The following KHDRBS2 variants were observed in gnomAD, a reference collection of about 807,000 sequenced individuals.
KHDRBS2 encodes KH RNA binding domain containing, signal transduction associated 2.
A neutral mutation model predicts 44.3 loss-of-function variants in KHDRBS2; 26 were observed. The observed-to-expected ratio is 0.59, with a 90% CI of 0.43 to 0.81. The LOEUF is 0.81. Ranked by LOEUF, KHDRBS2 falls within the 40% of genes least tolerant of loss-of-function variation. The pLI is 0.00. For synonymous variants in KHDRBS2, 194 were observed against 151.1 expected, an observed-to-expected ratio of 1.28 and a Z score of -2.08; for missense variants, 476 against 433.1, an observed-to-expected ratio of 1.10 and a Z score of -0.88.
At chr6:61,606,113 T>C in the KHDRBS2 span, among the ~76,000 whole-genome samples, 1 of 152,120 alleles carries the variant, frequency 6.6e-6, no homozygotes, top group Non-Finnish European at 1.5e-5. Context: ...CCTTTGACTG[T>C]AATTTTCCAC....
chr6:62,070,052 G>A lies in KHDRBS2; in HGVS notation c.220-22058C>T, dbSNP rs114774677. On this transcript the variant is annotated intron_variant, in intron 2 of 8. Transcript: ENST00000281156. ...AATTTTTGTCAGACACTTTTTCTCC[G>A]TCTATTAAGATTCATATGGTTTTTG... 3.9e-3 allele frequency among the ~76,000 whole-genome samples: 585 copies of A among 151,338 alleles called. 2 individuals carry two copies. Among genetic ancestry groups the A allele is most frequent in the African/African-American group, 0.014 (562 of 41,332 alleles).
At chr6:62,041,371 C>T (rs1786472068) in intron 3 of KHDRBS2, among the ~76,000 whole-genome samples, 1 of 151,974 alleles carries the variant, frequency 6.6e-6, no homozygotes. Flanking sequence ...AGCAGTAAAG[C>T]TTATGACCTA....
intron 2 of KHDRBS2, among the ~76,000 whole-genome samples, chr6:62,086,812 C>T (rs1173912092): frequency 6.6e-6 from 1 of 151,746 alleles, no homozygotes; most frequent in African/African-American, 2.4e-5. Flanking sequence ...TACAAGGCAC[C>T]CACTGTAAGT....
chr6:61,767,419 C>A (rs1780174055), intron 6 of KHDRBS2, among the ~76,000 whole-genome samples: 1 of 152,024 alleles, frequency 6.6e-6, no homozygotes, highest in Middle Eastern at 3.2e-3. Context: ...CATTCTGCCA[C>A]TCTATGTCTT....
the KHDRBS2 span, among the ~76,000 whole-genome samples, chr6:61,618,053 T>C: frequency 6.6e-6 from 1 of 152,232 alleles, no homozygotes; most frequent in Non-Finnish European, 1.5e-5. Context: ...TGAAGGAATT[T>C]GAACCTAAAT....
intron 3 of KHDRBS2, among the ~76,000 whole-genome samples, chr6:62,023,169 A>G (rs1226553953): frequency 6.6e-6 from 1 of 151,730 alleles, no homozygotes; most frequent in East Asian, 1.9e-4. Context: ...ATTATATACT[A>G]ATCCATATGT....
the KHDRBS2 span, among the ~76,000 whole-genome samples, chr6:61,652,101 G>A: frequency 2.6e-5 from 4 of 152,080 alleles, no homozygotes; most frequent in Middle Eastern, 3.4e-3. Context: ...AAATTGGCTC[G>A]TTTGTTTTTC....
intron 2 of KHDRBS2, among the ~76,000 whole-genome samples, chr6:62,176,203 TAA>T (rs1430981492): frequency 6.6e-6 from 1 of 151,354 alleles, no homozygotes; most frequent in East Asian, 1.9e-4. Context: ...GCAAATCTAA[TAA>T]AGTTTATTTT....
chr6:61,604,363 T>A, the KHDRBS2 span, among the ~76,000 whole-genome samples: 1 of 152,136 alleles, frequency 6.6e-6, no homozygotes, highest in Non-Finnish European at 1.5e-5. Flanking sequence ...GTATTCCAAC[T>A]TTTATCCCTC....
chr6:62,258,197 G>T (rs1339223911), intron 1 of KHDRBS2, among the ~76,000 whole-genome samples: 1 of 151,988 alleles, frequency 6.6e-6, no homozygotes, highest in Non-Finnish European at 1.5e-5. Context: ...TGGGGGACCA[G>T]GAAGTGGATC....
chr6:61,682,406 G>C (rs980714003), intron 8 of KHDRBS2, among the ~76,000 whole-genome samples: 1 of 151,738 alleles, frequency 6.6e-6, no homozygotes, highest in Non-Finnish European at 1.5e-5. Flanking sequence ...ATATAAAATA[G>C]GAGTAAGAAA....
chr6:61,859,172 A>T (rs375138944), intron 6 of KHDRBS2, among the ~76,000 whole-genome samples: 11 of 151,926 alleles, frequency 7.2e-5, no homozygotes, highest in East Asian at 3.9e-4. Flanking sequence ...GAATTCCTCA[A>T]GAGCTTCAAA....
intron 2 of KHDRBS2, among the ~76,000 whole-genome samples, chr6:62,110,622 C>T (rs1038976457): frequency 6.6e-6 from 1 of 152,084 alleles, no homozygotes; most frequent in African/African-American, 2.4e-5. Flanking sequence ...AAACCCAATA[C>T]ATACTGCATG....
intron 6 of KHDRBS2, among the ~76,000 whole-genome samples, chr6:61,755,918 A>G (rs1778424810): frequency 1.3e-5 from 2 of 152,188 alleles, no homozygotes; most frequent in Admixed American, 6.5e-5. Flanking sequence ...GAGTCCACCA[A>G]TGCTGTGATT....
the KHDRBS2 span, among the ~76,000 whole-genome samples, chr6:61,631,809 T>C: frequency 1.3e-5 from 2 of 152,176 alleles, no homozygotes; most frequent in East Asian, 3.9e-4. Flanking sequence ...ACAAATCGTC[T>C]GAATGTGAGT....
chr6:61,851,180 T>C (rs550319610), intron 6 of KHDRBS2, among the ~76,000 whole-genome samples: 1 of 152,076 alleles, frequency 6.6e-6, no homozygotes, highest in East Asian at 1.9e-4. Context: ...AAAGCCTCTG[T>C]TGAAAAAATG....
At chr6:61,869,963 T>A (rs1437839589) in intron 6 of KHDRBS2, among the ~76,000 whole-genome samples, 2 of 95,458 alleles carry the variant, frequency 2.1e-5, no homozygotes, top group East Asian at 5.9e-4. Flanking sequence ...GCTGCAGGAG[T>A]GTTTTTTTTT....
intron 8 of KHDRBS2, among the ~76,000 whole-genome samples, chr6:61,695,012 T>C (rs1327480628): frequency 2.0e-5 from 3 of 148,472 alleles, no homozygotes; most frequent in Non-Finnish European, 1.5e-5. Context: ...AATTATTTAC[T>C]TTTTTTCCTG....
chr6:61,683,928 C>T (rs1365955126), intron 8 of KHDRBS2, among the ~76,000 whole-genome samples: 1 of 151,872 alleles, frequency 6.6e-6, no homozygotes, highest in Non-Finnish European at 1.5e-5. Context: ...TTCTAATTTT[C>T]CAAGATTCCA....
Sources: allele counts gnomAD v4.1 joint callset (sites outside exome capture counted in the v4.1 genomes callset), GRCh38; gene constraint gnomAD v4.1.1; transcripts MANE v1.5; gene names NCBI Gene and HGNC (gene_info 2026-07-23, HGNC 2026-07-21).